Variants in PRKCH observed in about 807,000 individuals in gnomAD.
PRKCH encodes the protein protein kinase C eta type.
Under a neutral mutation model 82.5 loss-of-function variants are expected in PRKCH, and 28 were observed. The ratio of observed to expected loss-of-function variants is 0.34; its 90% CI spans 0.25 to 0.47. The LOEUF (loss-of-function observed/expected upper bound fraction) is 0.47, where lower values mean the gene tolerates loss of function less well. Among genes scored for constraint, PRKCH ranks in the 20% least tolerant of loss-of-function variants. The pLI, the probability that PRKCH is intolerant of heterozygous loss-of-function variation, is 1.00. For synonymous variants in PRKCH, 322 were observed against 327.4 expected, an observed-to-expected ratio of 0.98 and a Z score of 0.18; for missense variants, 705 against 881.8, an observed-to-expected ratio of 0.80 and a Z score of 2.54.
chr14:61,505,395 C>CTTTTCT lies in PRKCH; in HGVS notation c.1433+19743_1433+19744insCTTTTT, dbSNP rs762878496. 8.6e-4 allele frequency among the ~76,000 whole-genome samples: 48 copies of CTTTTCT among 55,780 alleles called. 3 individuals carry two copies. In the East Asian group the frequency reaches 0.017, roughly 20 times the overall value. The allele number at this position is 55,780 out of a possible 152,430, so 36.6% of individuals were successfully genotyped here. ...TTTGTCTTTTCTTTTCTTTTCTTTT[C>CTTTTCT]TTTTTTTTTTTTTTTTTTTTTTTTT... On this transcript the variant is annotated intron_variant, in intron 10 of 13. Transcript: ENST00000332981.
chr14:61,342,521 A>C (rs1482491008), intron 1 of PRKCH, among the ~76,000 whole-genome samples: 2 of 152,200 alleles, frequency 1.3e-5, no homozygotes, highest in Non-Finnish European at 2.9e-5. Flanking sequence ...GTCGGCTTAA[A>C]CCTGCCATTC....
intron 1 of PRKCH, among the ~76,000 whole-genome samples, chr14:61,349,977 T>C (rs530035121): frequency 6.6e-6 from 1 of 152,302 alleles, no homozygotes; most frequent in African/African-American, 2.4e-5. Context: ...ATGCCAGCAC[T>C]GTGCTTGGCA....
chr14:61,315,364 G>A (rs1210400802), intron 1 of PRKCH, among the ~76,000 whole-genome samples: 4 of 152,212 alleles, frequency 2.6e-5, no homozygotes, highest in East Asian at 3.9e-4. Flanking sequence ...CCATGTATTA[G>A]CTATGTGATC....
intron 2 of PRKCH, among the ~76,000 whole-genome samples, chr14:61,397,453 G>A (rs1008324575): frequency 6.6e-6 from 1 of 152,220 alleles, no homozygotes; most frequent in African/African-American, 2.4e-5. Context: ...TGGAAGACAG[G>A]CACATGGATA....
intron 10 of PRKCH, among the ~76,000 whole-genome samples, chr14:61,521,371 G>A (rs974878735): frequency 2.0e-4 from 30 of 151,980 alleles, no homozygotes; most frequent in African/African-American, 5.3e-4. Flanking sequence ...GCCATTCCAC[G>A]GTTGATACAT....
intron 1 of PRKCH, among the ~76,000 whole-genome samples, chr14:61,233,448 A>G (rs1190405275): frequency 1.3e-5 from 2 of 152,128 alleles, no homozygotes; most frequent in Non-Finnish European, 2.9e-5. Context: ...GCAAACATAC[A>G]GTTTTACCCT....
chr14:61,536,400 G>A (rs1312416871), intron 12 of PRKCH, among the ~76,000 whole-genome samples: 1 of 152,104 alleles, frequency 6.6e-6, no homozygotes, highest in Non-Finnish European at 1.5e-5. Flanking sequence ...GGGACCCTGG[G>A]AGATCCTTTC....
intron 1 of PRKCH, among the ~76,000 whole-genome samples, chr14:61,294,856 A>C (rs919710681): frequency 6.6e-6 from 1 of 152,074 alleles, no homozygotes; most frequent in Non-Finnish European, 1.5e-5. Flanking sequence ...CTTTCTTTTT[A>C]ATTCCTATAC....
intron 2 of PRKCH, among the ~76,000 whole-genome samples, chr14:61,395,299 C>CCT (rs1566857184): frequency 2.7e-5 from 4 of 147,614 alleles, no homozygotes; most frequent in South Asian, 4.5e-4. Flanking sequence ...AGCCCCCCCC[C>CCT]GCATTTGCCT....
chr14:61,424,491 T>C (rs575687138), intron 2 of PRKCH, among the ~76,000 whole-genome samples: 6 of 152,226 alleles, frequency 3.9e-5, no homozygotes, highest in Non-Finnish European at 8.8e-5. Context: ...AGGTGACTCT[T>C]GCTATGCTTT....
chr14:61,427,569 G>T (rs540964443), intron 2 of PRKCH, among the ~76,000 whole-genome samples: 1 of 152,112 alleles, frequency 6.6e-6, no homozygotes, highest in African/African-American at 2.4e-5. Flanking sequence ...AAAATATTTT[G>T]ATTTTCTTCT....
intron 2 of PRKCH, among the ~76,000 whole-genome samples, chr14:61,416,948 C>T (rs903547364): frequency 1.3e-5 from 2 of 152,178 alleles, no homozygotes; most frequent in South Asian, 2.1e-4. Flanking sequence ...TTGTGGGGTA[C>T]TTTGTGCCTT....
Position 61,297,277 on chromosome 14 carries a change from A to G in PRKCH, c.-19+109609A>G, listed in dbSNP as rs564097038. Among the ~76,000 whole-genome samples, 4 of 152,352 alleles carry G rather than the reference A, an allele frequency of 2.6e-5. No homozygotes were observed. In the South Asian group the frequency reaches 6.2e-4, roughly 24 times the overall value. ...AATTTGCCAATGTTACAGTTTATTA[A>G]GGAGAAATCCAGAATGTAATTCCAC... On this transcript the variant is annotated intron_variant, in intron 1 of 3. Transcript: ENST00000555185.
chr14:61,261,214 C>T (rs1230641954), intron 1 of PRKCH, among the ~76,000 whole-genome samples: 1 of 152,282 alleles, frequency 6.6e-6, no homozygotes, highest in African/African-American at 2.4e-5. Flanking sequence ...TGCACATGCA[C>T]ATGCAAAAAG....
chr14:61,260,278 T>A (rs2045034835), intron 1 of PRKCH, among the ~76,000 whole-genome samples: 1 of 152,228 alleles, frequency 6.6e-6, no homozygotes, highest in Non-Finnish European at 1.5e-5. Flanking sequence ...CTGGAAGCAC[T>A]GAAACTACTC....
At chr14:61,485,279 G>A (rs1273316340) in intron 9 of PRKCH, among the ~76,000 whole-genome samples, 1 of 152,102 alleles carries the variant, frequency 6.6e-6, no homozygotes, top group Non-Finnish European at 1.5e-5. Context: ...GCAATTCAAG[G>A]CTGTGTGAAA....
intron 9 of PRKCH, among the ~76,000 whole-genome samples, chr14:61,480,955 C>T (rs1324946619): frequency 6.6e-6 from 1 of 152,170 alleles, no homozygotes; most frequent in African/African-American, 2.4e-5. Context: ...TGCATACCCT[C>T]ATCCTTCTAG....
At position 61,264,716 on chromosome 14, in the gene PRKCH, G is replaced by T. The variant is rs116428187; in HGVS notation, c.-19+77048G>T. 3.2e-3 allele frequency among the ~76,000 whole-genome samples: 490 copies of T among 152,276 alleles called. 4 individuals carry two copies. The highest frequency in any genetic ancestry group is 0.011 in the African/African-American group (465 of 41,546). On this transcript the variant is annotated intron_variant, in intron 1 of 3. Transcript: ENST00000555185. Reference sequence around the variant, plus strand: ...AGAAGAAATTGGAGAGGCTACTCTGGCCCCATCTGGAATCTTTTAACTCTT... The same window carrying T: ...AGAAGAAATTGGAGAGGCTACTCTGTCCCCATCTGGAATCTTTTAACTCTT...
rs527364130 is a variant in PRKCH at position 61,487,992 on chromosome 14, A to G, written c.1433+2336A>G. Among the ~76,000 whole-genome samples the G allele has an allele frequency of 2.0e-5, 3 of 152,130 alleles. No homozygotes were observed. The East Asian group carries it at 5.8e-4, about 29-fold the overall frequency. ...CACCCTGAAACCCTGTCTCTACTAA[A>G]AATACAAAAAATTAGCCGGGCAAGG... On this transcript the variant is annotated intron_variant, in intron 10 of 13. Transcript: ENST00000332981.
Sources: allele counts gnomAD v4.1 joint callset (sites outside exome capture counted in the v4.1 genomes callset), GRCh38; gene constraint gnomAD v4.1.1; transcripts MANE v1.5; gene names NCBI Gene and HGNC (gene_info 2026-07-23, HGNC 2026-07-21).